The following NPTN variants were observed in gnomAD, a reference collection of about 807,000 sequenced individuals.
NPTN encodes the protein SDR-1.
NPTN carries 5 observed loss-of-function variants against 42.7 expected under a neutral mutation model. That is an observed-to-expected ratio of 0.12 (90% confidence interval 0.06 to 0.25). The LOEUF (loss-of-function observed/expected upper bound fraction) is 0.25. NPTN is among the 10% of genes least tolerant of loss of function. NPTN has a pLI of 1.00. For synonymous variants in NPTN, 180 were observed against 201.9 expected, an observed-to-expected ratio of 0.89 and a Z score of 0.92; for missense variants, 307 against 525.4, an observed-to-expected ratio of 0.58 and a Z score of 4.06.
At position 73,570,102 on chromosome 15, in the gene NPTN, G is replaced by C. The variant is rs762777563; in HGVS notation, c.1114+48C>G. ...CTCTTTGGGTACTTGGAAACCACCC[G>C]AAGGAACCAACCCCAGCAGTACAGC... is the stretch of plus-strand genomic sequence containing the variant. On this transcript the variant is annotated intron_variant, in intron 6 of 8. Transcript: ENST00000345330. The surrounding 1 kb of genome is among the most constrained non-coding windows in gnomAD (Gnocchi z 4.0). The C allele has an allele frequency of 2.0e-6, 3 of 1,532,710 alleles. No homozygotes were observed. Among genetic ancestry groups the C allele is most frequent in the Non-Finnish European group, 2.6e-6 (3 of 1,138,738 alleles). 94.9% of individuals were successfully genotyped at this position (1,532,710 alleles called of 1,614,324 possible). A position where few individuals can be genotyped will look rare whatever the true frequency, so the allele number is the denominator to read the frequency against.
At chr15:73,564,154 G>A (rs148228164) in intron 6 of NPTN, among the ~76,000 whole-genome samples, 1 of 152,192 alleles carries the variant, frequency 6.6e-6, no homozygotes, top group African/African-American at 2.4e-5. Context: ...TTCACAGAGA[G>A]AGAATGTTTT....
In NPTN at chr15:73,563,114, C is replaced by G. The variant is rs930004284; in HGVS notation, c.1136+122G>C. ...TCTGTGTCAAGCTAAGAAATCTACA[C>G]TGCAACCTTCATTTCCACTCACTGT... On this transcript the variant is annotated intron_variant, in intron 7 of 8. Transcript: ENST00000345330. 9.6e-6 allele frequency: 7 copies of G among 732,180 alleles called. No individual in the cohort carries two copies. The African/African-American group carries it at 1.0e-4, about 11-fold the overall frequency. The allele number at this position is 732,180 out of a possible 1,614,324, so 45.4% of individuals were successfully genotyped here. A position where few individuals can be genotyped will look rare whatever the true frequency, so the allele number is the denominator to read the frequency against.
At chr15:73,604,156 AAAAAAAT>A in intron 1 of NPTN, among the ~76,000 whole-genome samples, 1 of 152,316 alleles carries the variant, frequency 6.6e-6, no homozygotes, top group Admixed American at 6.5e-5. Context: ...GACAAAAAAG[AAAAAAAT>A]TTAAAAGTAT....
chr15:73,582,883 A>G (rs969727837), intron 4 of NPTN, among the ~76,000 whole-genome samples: 1 of 152,176 alleles, frequency 6.6e-6, no homozygotes, highest in African/African-American at 2.4e-5. Context: ...CCCGTGCTGG[A>G]TGCTTCCTGC....
Position 73,593,956 on chromosome 15 carries a change from G to A in NPTN, c.440-1819C>T, listed in dbSNP as rs138969347. Among the ~76,000 whole-genome samples the A allele has an allele frequency of 4.6e-5, 7 of 152,142 alleles. No individual in the cohort carries two copies. The East Asian group carries it at 9.7e-4, about 21-fold the overall frequency. On this transcript the variant is annotated intron_variant, in intron 2 of 8. Transcript: ENST00000345330. The stretch of plus-strand genomic sequence containing the variant: ...CCAAATCCCTGGGCCTTAAGAAGTC[G>A]AGCAGAACGGCTGCAAACCCTGCAA...
intron 1 of NPTN, among the ~76,000 whole-genome samples, chr15:73,604,624 G>C (rs564967345): frequency 6.6e-6 from 1 of 152,132 alleles, no homozygotes; most frequent in Non-Finnish European, 1.5e-5. Context: ...AGGGAAATGA[G>C]CCATGGTTTA....
At chr15:73,603,042 C>T (rs1897141138) in intron 1 of NPTN, among the ~76,000 whole-genome samples, 1 of 152,192 alleles carries the variant, frequency 6.6e-6, no homozygotes, top group Non-Finnish European at 1.5e-5. Context: ...CCAAATGCAG[C>T]AAACTCTAAA....
intron 1 of NPTN, among the ~76,000 whole-genome samples, chr15:73,624,777 G>A (rs1258992877): frequency 1.3e-5 from 2 of 152,152 alleles, no homozygotes; most frequent in Non-Finnish European, 2.9e-5. Flanking sequence ...ATTTGGCTTA[G>A]AATAAACATT....
chr15:73,596,912 G>T, intron 2 of NPTN, 110 bp downstream of exon 2: 1 of 882,296 alleles, frequency 1.1e-6, no homozygotes, highest in Non-Finnish European at 1.7e-6. Flanking sequence ...ACGAAGACAA[G>T]GGGTGGGGTG....
intron 4 of NPTN, among the ~76,000 whole-genome samples, chr15:73,585,234 G>A (rs1433923443): frequency 6.6e-6 from 1 of 152,176 alleles, no homozygotes; most frequent in Non-Finnish European, 1.5e-5. Context: ...CAGCCAAGAG[G>A]CCACTGATGT....
At position 73,573,646 on chromosome 15, in the gene NPTN, C is replaced by T; in HGVS notation, c.840+16G>A. 6.5e-7 allele frequency: 1 copy of T among 1,549,292 alleles called. No homozygotes were observed. The highest frequency in any genetic ancestry group is 8.7e-7 in the Non-Finnish European group (1 of 1,151,760). On this transcript the variant is annotated intron_variant, in intron 5 of 8. Coordinates refer to ENST00000345330, the MANE Select transcript of NPTN (RefSeq NM_012428.4). ...AAACTCCAGCAACCAGAGACCCGGGCCTGCCTCCTACTCACCATGGGCATC... is the reference window on the plus strand; with the variant it reads ...AAACTCCAGCAACCAGAGACCCGGGTCTGCCTCCTACTCACCATGGGCATC...
At chr15:73,606,345 A>G (rs1310195909) in intron 1 of NPTN, among the ~76,000 whole-genome samples, 1 of 152,258 alleles carries the variant, frequency 6.6e-6, no homozygotes, top group Non-Finnish European at 1.5e-5. Flanking sequence ...ACTATTGTCA[A>G]GCTAGTATTT....
chr15:73,580,192 A>G (rs1895914087), intron 4 of NPTN, among the ~76,000 whole-genome samples: 1 of 151,446 alleles, frequency 6.6e-6, no homozygotes, highest in Non-Finnish European at 1.5e-5. Flanking sequence ...GGGAAAATAA[A>G]CTAGAATAGA....
intron 7 of NPTN, among the ~76,000 whole-genome samples, chr15:73,562,464 A>T (rs1336820037): frequency 6.6e-6 from 1 of 152,214 alleles, no homozygotes; most frequent in Non-Finnish European, 1.5e-5. Flanking sequence ...AGGTGAGAAT[A>T]TGTAAAACTT....
chr15:73,627,919 G>A (rs889053392), intron 1 of NPTN, among the ~76,000 whole-genome samples: 2 of 151,738 alleles, frequency 1.3e-5, no homozygotes, highest in African/African-American at 2.4e-5. Flanking sequence ...CCTAAAATAT[G>A]TAACCATTTA....
At chr15:73,578,002 A>G (rs1895785381) in intron 4 of NPTN, among the ~76,000 whole-genome samples, 1 of 152,232 alleles carries the variant, frequency 6.6e-6, no homozygotes, top group African/African-American at 2.4e-5. Flanking sequence ...ACATATCTGT[A>G]GGAAGAACAC....
At chr15:73,590,310 T>G (rs769905604) in intron 3 of NPTN, among the ~76,000 whole-genome samples, 9 of 152,064 alleles carry the variant, frequency 5.9e-5, no homozygotes, top group Non-Finnish European at 1.3e-4. Context: ...ACAACACCCT[T>G]GGAGAGCTTC....
chr15:73,584,401 A>T (rs538936039), intron 4 of NPTN, among the ~76,000 whole-genome samples: 2 of 152,238 alleles, frequency 1.3e-5, no homozygotes, highest in Non-Finnish European at 2.9e-5. Context: ...TTAAAAAAAA[A>T]TTTTAGAAAA....
At chr15:73,633,013 C>A in intron 1 of NPTN, 112 bp downstream of exon 1, 15 of 746,836 alleles carry the variant, frequency 2.0e-5, no homozygotes, top group Non-Finnish European at 2.9e-5. Context: ...CCCTCAGACG[C>A]CCACTCGGCC....
Sources: gnomAD v4.1 joint callset for allele counts (sites outside exome capture counted in the v4.1 genomes callset) on GRCh38, gnomAD v4.1.1 for gene constraint, Gnocchi (gnomAD v3.1) non-coding constraint, MANE v1.5 for transcripts, NCBI Gene and HGNC (gene_info 2026-07-23, HGNC 2026-07-21) for gene names.